Variants in AGTPBP1 observed in about 807,000 individuals in gnomAD.
AGTPBP1 encodes the protein ATP/GTP binding carboxypeptidase 1, also known as cytosolic carboxypeptidase 1.
Under a neutral mutation model 143.9 loss-of-function variants are expected in AGTPBP1, and 70 were observed. The ratio of observed to expected loss-of-function variants is 0.49; its 90% CI spans 0.40 to 0.59. The LOEUF (loss-of-function observed/expected upper bound fraction) is 0.59. Among genes scored for constraint, AGTPBP1 ranks in the 20% least tolerant of loss-of-function variants. AGTPBP1 has a pLI of 0.00. For missense variants in AGTPBP1, 1,229 were observed against 1,464.5 expected (o/e 0.84, Z 2.62); for synonymous variants, 463 against 500.2 (o/e 0.93, Z 0.99).
At chr9:85,587,023 C>A in intron 21 of AGTPBP1, 63 bp from the exon 22 acceptor site, 1 of 1,595,326 alleles carries the variant, frequency 6.3e-7, no homozygotes, top group Non-Finnish European at 8.6e-7. Context: ...ATATACATTT[C>A]TTAAACCCTT....
the AGTPBP1 span, among the ~76,000 whole-genome samples, chr9:85,802,426 T>C: frequency 6.6e-6 from 1 of 152,150 alleles, no homozygotes; most frequent in South Asian, 2.1e-4. Context: ...AGCAACTGAA[T>C]ATGGCTAGAG....
chr9:85,800,425 T>C, the AGTPBP1 span, among the ~76,000 whole-genome samples: 1 of 152,224 alleles, frequency 6.6e-6, no homozygotes. Flanking sequence ...AAAGCTGAAG[T>C]AGTCACTTTG....
intron 23 of AGTPBP1, 142 bp from the exon 24 acceptor site, chr9:85,579,238 A>G: frequency 1.3e-6 from 1 of 757,690 alleles, no homozygotes; most frequent in African/African-American, 1.9e-5. Flanking sequence ...TGCCATTCAA[A>G]CAGCAAAACA....
At chr9:85,781,373 CTT>C in the AGTPBP1 span, 1 of 1,535,682 alleles carries the variant, frequency 6.5e-7, no homozygotes, top group Non-Finnish European at 8.7e-7. Context: ...GAGTGTAAGA[CTT>C]TTAGTGTTGT....
At chr9:85,731,248 T>C (rs1314313149) in intron 1 of AGTPBP1, among the ~76,000 whole-genome samples, 1 of 152,206 alleles carries the variant, frequency 6.6e-6, no homozygotes, top group African/African-American at 2.4e-5. Flanking sequence ...TAACTGCTAT[T>C]TTGAAACTTA....
chr9:85,573,373 T>C (rs374735346), intron 25 of AGTPBP1, among the ~76,000 whole-genome samples: 2,575 of 152,322 alleles, frequency 0.017, 31 homozygotes, highest in Middle Eastern at 0.054. Context: ...CCCGAGGTGC[T>C]GGGATTGCAG....
intron 3 of AGTPBP1, among the ~76,000 whole-genome samples, chr9:85,682,880 G>A (rs970276042): frequency 8.5e-5 from 13 of 152,180 alleles, no homozygotes; most frequent in African/African-American, 3.1e-4. Context: ...TAAATTAGGA[G>A]TAAACAGAGG....
chr9:85,687,916 C>A (rs1312997855), intron 3 of AGTPBP1, among the ~76,000 whole-genome samples: 1 of 150,698 alleles, frequency 6.6e-6, no homozygotes, highest in Non-Finnish European at 1.5e-5. Context: ...ACGGTGAAAC[C>A]CCGTCTCTAC....
the AGTPBP1 span, among the ~76,000 whole-genome samples, chr9:85,777,953 T>G: frequency 6.6e-6 from 1 of 152,200 alleles, no homozygotes; most frequent in Non-Finnish European, 1.5e-5. Flanking sequence ...CTGTCCACTT[T>G]CAGGTGGTGC....
chr9:85,741,440 A>T, intron 1 of AGTPBP1: 4 of 984,600 alleles, frequency 4.1e-6, no homozygotes, highest in Non-Finnish European at 4.8e-6. Flanking sequence ...GGCCCGAGAG[A>T]AAGGGCTGAG....
chr9:85,565,406 G>C (rs1040901839), intron 25 of AGTPBP1, among the ~76,000 whole-genome samples: 1 of 152,060 alleles, frequency 6.6e-6, no homozygotes, highest in African/African-American at 2.4e-5. Flanking sequence ...GGGAAAGATG[G>C]ATTTGAAAAA....
At chr9:85,685,931 TC>T (rs1835459453) in intron 3 of AGTPBP1, among the ~76,000 whole-genome samples, 1 of 151,860 alleles carries the variant, frequency 6.6e-6, no homozygotes, top group Admixed American at 6.6e-5. Flanking sequence ...AGTGCAATAT[TC>T]AAAGAAATTA....
At chr9:85,773,941 C>T in the AGTPBP1 span, 1 of 1,602,056 alleles carries the variant, frequency 6.2e-7, no homozygotes, top group Non-Finnish European at 8.6e-7. Context: ...TTAGAATCTG[C>T]ACTGGACCAT....
chr9:85,800,369 CTG>C, the AGTPBP1 span, among the ~76,000 whole-genome samples: 3 of 152,150 alleles, frequency 2.0e-5, no homozygotes, highest in African/African-American at 7.2e-5. Flanking sequence ...TTCCAGGGTG[CTG>C]TGACATGGAT....
At chr9:85,731,292 A>C (rs1838862113) in intron 1 of AGTPBP1, among the ~76,000 whole-genome samples, 1 of 152,218 alleles carries the variant, frequency 6.6e-6, no homozygotes, top group Non-Finnish European at 1.5e-5. Context: ...CAACCAATAG[A>C]ATGGCTAAAC....
intron 17 of AGTPBP1, among the ~76,000 whole-genome samples, chr9:85,611,574 A>G (rs1250352753): frequency 6.6e-6 from 1 of 152,228 alleles, no homozygotes; most frequent in Non-Finnish European, 1.5e-5. Context: ...TGACAGAAAC[A>G]CAACATAATT....
chr9:85,705,676 A>AG (rs1465597826), intron 2 of AGTPBP1, among the ~76,000 whole-genome samples: 4 of 152,030 alleles, frequency 2.6e-5, no homozygotes. Flanking sequence ...GGTTAGAGAG[A>AG]GGGGAAGTGG....
At chr9:85,694,556 T>TAA (rs575189752) in intron 2 of AGTPBP1, among the ~76,000 whole-genome samples, 113 of 152,284 alleles carry the variant, frequency 7.4e-4, no homozygotes, top group African/African-American at 2.6e-3. Context: ...CCTCTTTTCT[T>TAA]AACACACTTT....
At chr9:85,677,362 T>A in intron 6 of AGTPBP1, 74 bp downstream of exon 6, 1 of 1,328,794 alleles carries the variant, frequency 7.5e-7, no homozygotes, top group Admixed American at 2.3e-5. Context: ...AAAAACTGAG[T>A]AGTTACAAGG....
Sources: allele counts gnomAD v4.1 joint callset (sites outside exome capture counted in the v4.1 genomes callset), GRCh38; gene constraint gnomAD v4.1.1; transcripts MANE v1.5; gene names NCBI Gene and HGNC (gene_info 2026-07-23, HGNC 2026-07-21).